DNM3: variants seen among roughly 807,000 people sequenced by gnomAD.
DNM3 encodes the protein dynamin-3.
A neutral mutation model predicts 101.6 loss-of-function variants in DNM3; 47 were observed. The ratio of observed to expected loss-of-function variants is 0.46; its 90% CI spans 0.37 to 0.59. The LOEUF is 0.59. DNM3 is among the 20% of genes least tolerant of loss of function. The pLI, the probability that DNM3 is intolerant of heterozygous loss-of-function variation, is 0.00. For synonymous variants in DNM3, 385 were observed against 387.9 expected, an observed-to-expected ratio of 0.99 and a Z score of 0.09; for missense variants, 849 against 1,085.7, an observed-to-expected ratio of 0.78 and a Z score of 3.06.
chr1:171,973,631 A>C (rs2044170374), intron 2 of DNM3, among the ~76,000 whole-genome samples: 1 of 151,940 alleles, frequency 6.6e-6, no homozygotes, highest in Non-Finnish European at 1.5e-5. Context: ...CTTGTGATAA[A>C]GAAATTGCAG....
At chr1:172,110,858 A>T (rs1036367550) in intron 13 of DNM3, among the ~76,000 whole-genome samples, 2 of 152,116 alleles carry the variant, frequency 1.3e-5, no homozygotes, top group African/African-American at 4.8e-5. Flanking sequence ...CAACATGACA[A>T]AATCCTGTCT....
chr1:171,864,386 A>G (rs1485245887), intron 1 of DNM3: 3 of 152,208 alleles, frequency 2.0e-5, no homozygotes, highest in African/African-American at 7.2e-5. Context: ...TACCCTGCAT[A>G]TTTTCCATTA....
At chr1:172,109,934 C>G (rs1165949636) in intron 13 of DNM3, among the ~76,000 whole-genome samples, 1 of 152,148 alleles carries the variant, frequency 6.6e-6, no homozygotes, top group Non-Finnish European at 1.5e-5. Context: ...CCAGGAGCTC[C>G]AACACTCTAC....
chr1:172,148,241 A>G (rs1385641853), intron 14 of DNM3, among the ~76,000 whole-genome samples: 2 of 151,604 alleles, frequency 1.3e-5, no homozygotes, highest in African/African-American at 4.8e-5. Flanking sequence ...ATGTATTTAA[A>G]CTTTTTTTTC....
intron 17 of DNM3, among the ~76,000 whole-genome samples, chr1:172,324,835 A>G (rs575060153): frequency 2.6e-5 from 4 of 152,240 alleles, no homozygotes; most frequent in African/African-American, 9.6e-5. Context: ...GCAAAACAAA[A>G]CAAAACAAAA....
chr1:172,409,599 A>G lies in DNM3; in HGVS notation c.*1758A>G, dbSNP rs1301093975. The G allele has an allele frequency of 1.0e-6, 1 of 985,488 alleles. No homozygotes were observed. The highest frequency in any genetic ancestry group is 1.2e-6 in the Non-Finnish European group (1 of 829,902). 61.0% of individuals were successfully genotyped at this position (985,488 alleles called of 1,614,324 possible). On this transcript the variant is annotated 3_prime_UTR_variant, in exon 21 of 21. Transcript: ENST00000627582. ...ACCCCAAACCCCAAACTGGGGGAAAAAAAGTTAACTCTTTGTGAATGGAAC... is the reference window on the plus strand; with the variant it reads ...ACCCCAAACCCCAAACTGGGGGAAAGAAAGTTAACTCTTTGTGAATGGAAC...
intron 17 of DNM3, among the ~76,000 whole-genome samples, chr1:172,365,925 A>T (rs1372044990): frequency 2.0e-5 from 3 of 151,998 alleles, no homozygotes; most frequent in African/African-American, 7.2e-5. Flanking sequence ...AACCTTCAAT[A>T]GATATACATT....
intron 14 of DNM3, among the ~76,000 whole-genome samples, chr1:172,213,000 A>G (rs539337343): frequency 6.6e-6 from 1 of 152,254 alleles, no homozygotes; most frequent in East Asian, 1.9e-4. Flanking sequence ...AAGGTGAACT[A>G]AGTTGCCCAG....
intron 14 of DNM3, among the ~76,000 whole-genome samples, chr1:172,213,827 C>CAA (rs879375846): frequency 8.2e-6 from 1 of 121,574 alleles, no homozygotes; most frequent in African/African-American, 3.0e-5. Flanking sequence ...GACTCTGTCT[C>CAA]AAAAAAAAAA....
At chr1:171,843,737 T>A (rs2031633736) in intron 1 of DNM3, among the ~76,000 whole-genome samples, 1 of 152,184 alleles carries the variant, frequency 6.6e-6, no homozygotes, top group Non-Finnish European at 1.5e-5. Context: ...TATAATAAAA[T>A]TGTACACATC....
intron 9 of DNM3, among the ~76,000 whole-genome samples, chr1:172,047,769 A>G (rs1411967364): frequency 6.6e-6 from 1 of 152,136 alleles, no homozygotes; most frequent in Non-Finnish European, 1.5e-5. Context: ...GAGGTACCAT[A>G]GAATTCAGTT....
chr1:172,417,261 T>A (rs962524599), downstream of DNM3, among the ~76,000 whole-genome samples: 6 of 152,104 alleles, frequency 3.9e-5, no homozygotes, highest in Non-Finnish European at 8.8e-5. Context: ...AATGGTTTGG[T>A]TAGAAAGGGG....
At chr1:172,364,723 G>A (rs1296439373) in intron 17 of DNM3, among the ~76,000 whole-genome samples, 1 of 151,846 alleles carries the variant, frequency 6.6e-6, no homozygotes, top group Non-Finnish European at 1.5e-5. Flanking sequence ...GGATCATGGG[G>A]ATGGATTTCT....
chr1:172,381,941 A>G (rs1479965757), intron 18 of DNM3, among the ~76,000 whole-genome samples: 3 of 152,166 alleles, frequency 2.0e-5, no homozygotes, highest in Non-Finnish European at 4.4e-5. Context: ...TGAAATGGGA[A>G]TGAAAAAGAA....
At chr1:172,231,206 A>ACC (rs75142425) in intron 14 of DNM3, among the ~76,000 whole-genome samples, 1 of 148,652 alleles carries the variant, frequency 6.7e-6, no homozygotes, top group African/African-American at 2.5e-5. Flanking sequence ...ACTGGGAGGC[A>ACC]CCCCCAGTAG....
chr1:172,324,961 A>C (rs2065880453), intron 17 of DNM3, among the ~76,000 whole-genome samples: 1 of 152,144 alleles, frequency 6.6e-6, no homozygotes, highest in Non-Finnish European at 1.5e-5. Context: ...CAGACCACTC[A>C]AGAAGCATTT....
intron 14 of DNM3, among the ~76,000 whole-genome samples, chr1:172,180,670 A>C (rs1340906625): frequency 2.0e-5 from 3 of 152,102 alleles, no homozygotes; most frequent in Non-Finnish European, 4.4e-5. Flanking sequence ...TATTTTCCAG[A>C]GGAATGCTCT....
chr1:172,404,884 G>C (rs1266748490), intron 20 of DNM3, among the ~76,000 whole-genome samples: 2 of 152,054 alleles, frequency 1.3e-5, no homozygotes, highest in African/African-American at 4.8e-5. Context: ...GCTCTTTAAA[G>C]TCATGTAGCA....
rs900955978 is a variant in DNM3, at chr1:172,408,512, A to C, written c.*671A>C. The C allele has an allele frequency of 7.1e-6, 7 of 985,262 alleles. No individual in the cohort carries two copies. The highest frequency in any genetic ancestry group is 8.4e-6 in the Non-Finnish European group (7 of 829,898). 61.0% of individuals were successfully genotyped at this position (985,262 alleles called of 1,614,324 possible). Reference sequence around the variant, plus strand: ...TAGAAGCATATGCAACAGTGAATAAAAGCTTCTTTTTTTGTTAATCAGTCA... The same window carrying C: ...TAGAAGCATATGCAACAGTGAATAACAGCTTCTTTTTTTGTTAATCAGTCA... On this transcript the variant is annotated 3_prime_UTR_variant, in exon 21 of 21. Coordinates refer to ENST00000627582, the MANE Select transcript of DNM3 (RefSeq NM_015569.5).
Sources: gnomAD v4.1 joint callset for allele counts (sites outside exome capture counted in the v4.1 genomes callset) on GRCh38, gnomAD v4.1.1 for gene constraint, MANE v1.5 for transcripts, NCBI Gene and HGNC (gene_info 2026-07-23, HGNC 2026-07-21) for gene names.